PDS5A: variants seen among roughly 807,000 people sequenced by gnomAD.
PDS5A encodes the protein sister chromatid cohesion protein PDS5 homolog A.
In PDS5A, 42 loss-of-function variants were observed where a neutral mutation model predicts 167.1. The observed-to-expected ratio is 0.25, with a 90% CI of 0.20 to 0.33. PDS5A has a LOEUF of 0.33. Ranked by LOEUF, PDS5A falls within the 10% of genes least tolerant of loss-of-function variation. The pLI is 1.00. For missense variants in PDS5A, 1,033 were observed against 1,605.9 expected, an observed-to-expected ratio of 0.64 and a Z score of 6.10; for synonymous variants, 553 against 554.6, an observed-to-expected ratio of 1.00 and a Z score of 0.04.
At chr4:39,928,877 A>T (rs1560492416) in intron 2 of PDS5A, among the ~76,000 whole-genome samples, 1 of 151,966 alleles carries the variant, frequency 6.6e-6, no homozygotes, top group East Asian at 1.9e-4. Context: ...TTGTATTTCT[A>T]ATTAAAACAT....
chr4:39,887,487 A>C (rs1420248366), intron 17 of PDS5A, among the ~76,000 whole-genome samples: 1 of 152,124 alleles, frequency 6.6e-6, no homozygotes, highest in Admixed American at 6.5e-5. Context: ...AATATTTTTA[A>C]TGTGTTATTG....
At chr4:39,833,101 G>T (rs1031184578) in intron 32 of PDS5A, among the ~76,000 whole-genome samples, 1 of 135,570 alleles carries the variant, frequency 7.4e-6, no homozygotes, top group African/African-American at 2.7e-5. Context: ...TGAGGCAGGA[G>T]AATTGCTTGA....
At chr4:39,901,796 G>A (rs545170488) in intron 13 of PDS5A, among the ~76,000 whole-genome samples, 1 of 151,748 alleles carries the variant, frequency 6.6e-6, no homozygotes. Flanking sequence ...TTACATATAC[G>A]ATGGTGTACA....
chr4:39,917,299 T>C (rs1352208495), intron 7 of PDS5A, 111 bp from the exon 8 acceptor site: 1 of 629,220 alleles, frequency 1.6e-6, no homozygotes, highest in Non-Finnish European at 2.6e-6. Flanking sequence ...ACATATACAA[T>C]TGAAGGAGGT....
At chr4:39,864,107 C>A (rs1719225571) in intron 23 of PDS5A, among the ~76,000 whole-genome samples, 1 of 150,710 alleles carries the variant, frequency 6.6e-6, no homozygotes, top group Non-Finnish European at 1.5e-5. Context: ...TCTACCCTGG[C>A]AACAGAGTAA....
At chr4:39,895,267 T>C (rs1317420101) in intron 16 of PDS5A, among the ~76,000 whole-genome samples, 3 of 148,854 alleles carry the variant, frequency 2.0e-5, no homozygotes, top group African/African-American at 7.4e-5. Flanking sequence ...AACATTAGAG[T>C]GCACGCACAC....
chr4:39,891,264 C>A (rs112517873), intron 16 of PDS5A, among the ~76,000 whole-genome samples: 12 of 151,726 alleles, frequency 7.9e-5, no homozygotes, highest in African/African-American at 2.7e-4. Context: ...AACTCCCGAA[C>A]TCAGGTGATC....
At chr4:39,867,729 C>G (rs903904979) in intron 22 of PDS5A, among the ~76,000 whole-genome samples, 2 of 96,474 alleles carry the variant, frequency 2.1e-5, no homozygotes, top group African/African-American at 8.7e-5. Flanking sequence ...CATAAAAAAA[C>G]CAAAACACAC....
intron 12 of PDS5A, 62 bp from the exon 13 acceptor site, chr4:39,902,522 A>ATTTTTT (rs199900186): frequency 1.7e-6 from 1 of 597,316 alleles, no homozygotes; most frequent in Non-Finnish European, 2.8e-6. Flanking sequence ...TTAAGAAGCA[A>ATTTTTT]TTTTTTTTTT....
intron 10 of PDS5A, chr4:39,908,790 GAGGC>G (rs71645198): frequency 2.6e-6 from 1 of 390,544 alleles, no homozygotes. Flanking sequence ...TTGGGAGGCT[GAGGC>G]AGGCAGGCAG....
At chr4:39,945,276 T>C (rs774470887) in intron 2 of PDS5A, among the ~76,000 whole-genome samples, 10 of 151,580 alleles carry the variant, frequency 6.6e-5, no homozygotes, top group African/African-American at 2.4e-5. Context: ...CTGGCTAACA[T>C]GGTGAAACCC....
chr4:39,841,762 G>A (rs1010156971), intron 31 of PDS5A, among the ~76,000 whole-genome samples, 186 bp downstream of exon 31: 1 of 152,168 alleles, frequency 6.6e-6, no homozygotes, highest in Non-Finnish European at 1.5e-5. Flanking sequence ...AGTGGGTGGA[G>A]GTAAGCAGAA....
chr4:39,973,448 G>T, intron 2 of PDS5A: 1 of 1,338,156 alleles, frequency 7.5e-7, no homozygotes, highest in Non-Finnish European at 1.1e-6. Context: ...GCAGCCAGCA[G>T]ATACCAGGGT....
intron 13 of PDS5A, among the ~76,000 whole-genome samples, chr4:39,900,731 ATAAG>A (rs2109651077): frequency 6.6e-6 from 1 of 152,360 alleles, no homozygotes; most frequent in Admixed American, 6.5e-5. Context: ...AGAAAGATTA[ATAAG>A]TAATACAGGG....
intron 2 of PDS5A, among the ~76,000 whole-genome samples, chr4:39,958,812 T>A (rs1219198072): frequency 6.6e-6 from 1 of 152,096 alleles, no homozygotes. Flanking sequence ...TTTCACCATG[T>A]TGGCCAGGTT....
At chr4:39,902,554 GCT>G in intron 12 of PDS5A, 94 bp from the exon 13 acceptor site, 1 of 598,254 alleles carries the variant, frequency 1.7e-6, no homozygotes, top group Non-Finnish European at 2.9e-6. Context: ...ACAGGGTCTT[GCT>G]CTGTCACCCA....
At chr4:39,973,512 G>C in intron 2 of PDS5A, 1 of 1,332,722 alleles carries the variant, frequency 7.5e-7, no homozygotes, top group East Asian at 2.3e-5. Context: ...AACGTCTCCA[G>C]AAAGAGTTTT....
intron 7 of PDS5A, among the ~76,000 whole-genome samples, chr4:39,918,325 A>G (rs1412259831): frequency 6.6e-6 from 1 of 150,604 alleles, no homozygotes; most frequent in Non-Finnish European, 1.5e-5. Flanking sequence ...CGCATGACAA[A>G]AAGAACAAAA....
At position 39,973,612 on chromosome 4, in the gene PDS5A, G is replaced by C. The variant is rs111825112; in HGVS notation, c.138+2828C>G. ...TTTCGTATGTTTCTCCTTCCCGGAA[G>C]AAGCCACTAAAGCAGTTACAGAAAT... On this transcript the variant is annotated intron_variant, in intron 2 of 32. Coordinates refer to ENST00000303538, the MANE Select transcript of PDS5A (RefSeq NM_001100399.2). 2.3e-6 allele frequency: 3 copies of C among 1,285,720 alleles called. No homozygotes were observed. In the African/African-American group the frequency reaches 4.4e-5, roughly 19 times the overall value. The allele number at this position is 1,285,720 out of a possible 1,614,324, so 79.6% of individuals were successfully genotyped here.
Sources: gnomAD v4.1 joint callset for allele counts (sites outside exome capture counted in the v4.1 genomes callset) on GRCh38, gnomAD v4.1.1 for gene constraint, MANE v1.5 for transcripts, NCBI Gene and HGNC (gene_info 2026-07-23, HGNC 2026-07-21) for gene names.